Variants in PCSK5 observed in about 807,000 individuals in gnomAD.
PCSK5 encodes the protein proprotein convertase subtilisin/kexin type 5.
A neutral mutation model predicts 233.2 loss-of-function variants in PCSK5; 129 were observed. That is an observed-to-expected ratio of 0.55 (90% CI 0.48 to 0.64). PCSK5 has a LOEUF of 0.64. Ranked by LOEUF, PCSK5 falls within the 30% of genes least tolerant of loss-of-function variation. The pLI, the probability that PCSK5 is intolerant of heterozygous loss-of-function variation, is 0.00. For synonymous variants in PCSK5, 825 were observed against 879.2 expected (o/e 0.94, Z 1.09); for missense variants, 2,076 against 2,430.1 (o/e 0.85, Z 3.06).
chr9:75,905,353 GA>G (rs961463793), intron 1 of PCSK5, among the ~76,000 whole-genome samples: 1 of 151,818 alleles, frequency 6.6e-6, no homozygotes, highest in Non-Finnish European at 1.5e-5. Flanking sequence ...CTCTACAAAA[GA>G]AAAAAATAAA....
chr9:76,320,051 G>A (rs1257446568), intron 30 of PCSK5, among the ~76,000 whole-genome samples: 7 of 151,990 alleles, frequency 4.6e-5, no homozygotes, highest in African/African-American at 7.3e-5. Context: ...GATAAATATC[G>A]GCGTGCCCAG....
At chr9:76,079,892 T>C (rs999710797) in intron 7 of PCSK5, among the ~76,000 whole-genome samples, 1 of 152,192 alleles carries the variant, frequency 6.6e-6, no homozygotes, top group Non-Finnish European at 1.5e-5. Context: ...TGGATTATAT[T>C]GAAATATTTT....
rs563065427 is a variant in PCSK5, at chr9:75,899,116, A to G, written c.192+7743A>G. On this transcript the variant is annotated intron_variant, in intron 1 of 37. Coordinates refer to ENST00000674117, the MANE Select transcript of PCSK5 (RefSeq NM_001372043.1). ...TGATTCAATAGGGCTTGGTAACTAAATGGAAGTAGGGGATGAGGAGGAGGG... is the reference window on the plus strand; with the variant it reads ...TGATTCAATAGGGCTTGGTAACTAAGTGGAAGTAGGGGATGAGGAGGAGGG... Among the ~76,000 whole-genome samples the G allele has an allele frequency of 2.0e-5, 3 of 152,312 alleles. No homozygotes were observed. The South Asian group carries it at 6.2e-4, about 32-fold the overall frequency.
chr9:76,292,259 G>A lies in PCSK5; in HGVS notation c.3169G>A (p.Ala1057Thr), dbSNP rs201527045. 605 of 1,578,894 alleles carry A rather than the reference G, an allele frequency of 3.8e-4. No homozygotes were observed. The highest frequency in any genetic ancestry group is 4.9e-4 in the Non-Finnish European group (561 of 1,150,148). The change falls in exon 25 of 38, where the codon GCT (alanine) becomes ACT (threonine). Residue 1057 changes from alanine to threonine, a missense_variant. Around this residue, in one of 6 missense-constraint regions of PCSK5, gnomAD observed 1,510 missense variants for 1,538.1 expected, o/e 0.98. Coordinates refer to ENST00000674117, the MANE Select transcript of PCSK5 (RefSeq NM_001372043.1). ...TGATCCAGGAACATGTACATCTTGC[G>A]CTATGGGGTATTACAGGTAAGTCTG... is the stretch of plus-strand genomic sequence containing the variant. The part of the protein sequence containing the change: ...LDDPGTCTSC[A>T]MGYYRFDHHC...
chr9:76,098,385 A>G (rs1478834570), intron 8 of PCSK5, among the ~76,000 whole-genome samples: 1 of 152,192 alleles, frequency 6.6e-6, no homozygotes, highest in East Asian at 1.9e-4. Context: ...CTTAACTGGG[A>G]AGTGATGCCC....
intron 20 of PCSK5, among the ~76,000 whole-genome samples, chr9:76,225,842 G>C (rs552835211): frequency 6.6e-6 from 1 of 152,250 alleles, no homozygotes; most frequent in South Asian, 2.1e-4. Context: ...ACAGAGGCAG[G>C]CGCAGCCTAC....
chr9:76,154,686 G>A (rs931128194), intron 10 of PCSK5, among the ~76,000 whole-genome samples: 2 of 152,174 alleles, frequency 1.3e-5, no homozygotes, highest in East Asian at 3.9e-4. Flanking sequence ...GGACTGATCG[G>A]AGGTAGAGCT....
chr9:76,069,457 TAA>T (rs5898446), intron 6 of PCSK5, among the ~76,000 whole-genome samples: 437 of 145,038 alleles, frequency 3.0e-3, no homozygotes, highest in South Asian at 0.01. Context: ...GAACCTTATT[TAA>T]AAAAAAAAAA....
chr9:76,304,031 G>C (rs985264770), intron 28 of PCSK5, among the ~76,000 whole-genome samples: 4 of 152,262 alleles, frequency 2.6e-5, no homozygotes, highest in South Asian at 4.1e-4. Context: ...AATTAGCCAG[G>C]CTTGGTGGCA....
intron 3 of PCSK5, among the ~76,000 whole-genome samples, chr9:75,999,406 G>A (rs1054916069): frequency 1.2e-4 from 18 of 151,520 alleles, no homozygotes; most frequent in African/African-American, 4.1e-4. Flanking sequence ...GCTGAGCCCC[G>A]AACAGAGATT....
chr9:76,217,478 T>G (rs915647364), intron 20 of PCSK5, among the ~76,000 whole-genome samples: 4 of 152,202 alleles, frequency 2.6e-5, no homozygotes, highest in Non-Finnish European at 5.9e-5. Flanking sequence ...CATCTGGCCA[T>G]TTTCTTAGCT....
Position 76,360,231 on chromosome 9 carries a change from A to G in PCSK5, c.*1309A>G, listed in dbSNP as rs1830408475. ...TAATCTATTGCACACCTACTACCAGATAACAAGCTAAGTAATTCCCCCCCA... is the reference window on the plus strand; with the variant it reads ...TAATCTATTGCACACCTACTACCAGGTAACAAGCTAAGTAATTCCCCCCCA... On this transcript the variant is annotated 3_prime_UTR_variant, in exon 38 of 38. Coordinates refer to ENST00000674117, the MANE Select transcript of PCSK5 (RefSeq NM_001372043.1). The G allele has an allele frequency of 6.6e-6, 1 of 152,262 alleles. No homozygotes were observed. Among genetic ancestry groups the G allele is most frequent in the Non-Finnish European group, 1.5e-5 (1 of 68,076 alleles). 9.4% of individuals were successfully genotyped at this position (152,262 alleles called of 1,614,324 possible).
chr9:76,113,149 T>C lies in PCSK5; in HGVS notation c.1208+5798T>C, dbSNP rs146369471. Among the ~76,000 whole-genome samples, 575 of 152,284 alleles carry C rather than the reference T, an allele frequency of 3.8e-3. 1 individual carries two copies. The highest frequency in any genetic ancestry group is 5.4e-3 in the Non-Finnish European group (367 of 68,002). On this transcript the variant is annotated intron_variant, in intron 9 of 37. Coordinates refer to ENST00000674117, the MANE Select transcript of PCSK5 (RefSeq NM_001372043.1). ...GTCTCTCATCCTGTTGATTTATCAT[T>C]TGCTAGAAGTGGACCTCACCTGGCT...
chr9:75,935,516 TATAACA>T lies in PCSK5; in HGVS notation c.297+3038_297+3043del, dbSNP rs1301357391. Among the ~76,000 whole-genome samples the T allele has an allele frequency of 3.3e-5, 5 of 152,194 alleles. No individual in the cohort carries two copies. In the East Asian group the frequency reaches 9.6e-4, roughly 29 times the overall value. ...GGACATTCTTTTTTATAACCGTAAG[TATAACA>T]ATAAAAATCTGGCTATTAATATTAA... is the stretch of plus-strand genomic sequence containing the variant. On this transcript the variant is annotated intron_variant, in intron 2 of 37. Transcript: ENST00000674117.
chr9:76,277,013 A>G (rs1827713659), intron 24 of PCSK5, among the ~76,000 whole-genome samples: 1 of 152,120 alleles, frequency 6.6e-6, no homozygotes, highest in African/African-American at 2.4e-5. Flanking sequence ...GGATCACCTG[A>G]GGTCAAGAGT....
upstream of PCSK5, among the ~76,000 whole-genome samples, chr9:75,890,248 A>G (rs1170292604): frequency 6.6e-6 from 1 of 152,192 alleles, no homozygotes; most frequent in East Asian, 1.9e-4. Context: ...ACGAAGTGAA[A>G]ATCTCGAGTT....
At chr9:76,334,753 A>G (rs1429046881) in intron 34 of PCSK5, among the ~76,000 whole-genome samples, 1 of 152,000 alleles carries the variant, frequency 6.6e-6, no homozygotes, top group Non-Finnish European at 1.5e-5. Flanking sequence ...AGTCATATAG[A>G]TCAAGGAAGA....
At chr9:76,212,590 A>G (rs920058214) in intron 20 of PCSK5, among the ~76,000 whole-genome samples, 2 of 152,190 alleles carry the variant, frequency 1.3e-5, no homozygotes, top group Non-Finnish European at 2.9e-5. Flanking sequence ...CTATATTCCC[A>G]GGCTCTGGCA....
intron 24 of PCSK5, among the ~76,000 whole-genome samples, chr9:76,262,768 T>C (rs1171480688): frequency 2.0e-5 from 3 of 149,768 alleles, no homozygotes; most frequent in Admixed American, 2.0e-4. Context: ...AAAGACAAAA[T>C]TGACAAATGG....
Sources: allele counts gnomAD v4.1 joint callset (sites outside exome capture counted in the v4.1 genomes callset), GRCh38; gene constraint gnomAD v4.1.1; regional missense constraint gnomAD v4.1.1; transcripts MANE v1.5; gene names NCBI Gene and HGNC (gene_info 2026-07-23, HGNC 2026-07-21).